UTS2B: variants seen among roughly 807,000 people sequenced by gnomAD.
UTS2B encodes urotensin 2B, also known as urotensin-2B.
A neutral mutation model predicts 19.2 loss-of-function variants in UTS2B; 21 were observed. The ratio of observed to expected loss-of-function variants is 1.09; its 90% CI spans 0.78 to 1.58. The LOEUF (loss-of-function observed/expected upper bound fraction) is 1.58. Among genes scored for constraint, UTS2B ranks in the 40% most tolerant of loss-of-function variants. The probability of loss-of-function intolerance (pLI) is 0.00; values close to 1 mark genes in which losing one functional copy is unlikely to be tolerated. For synonymous variants in UTS2B, 57 were observed against 50.2 expected (o/e 1.14, Z -0.58); for missense variants, 138 against 130.3 (o/e 1.06, Z -0.29).
intron 3 of UTS2B, among the ~76,000 whole-genome samples, 198 bp from the exon 4 acceptor site, chr3:191,304,746 T>A (rs1384421194): frequency 6.6e-6 from 1 of 152,212 alleles, no homozygotes; most frequent in African/African-American, 2.4e-5. Context: ...GTCATGGGGT[T>A]TGTTATACAC....
chr3:191,302,021 G>T (rs1576926612), intron 4 of UTS2B, among the ~76,000 whole-genome samples: 1 of 152,132 alleles, frequency 6.6e-6, no homozygotes. Flanking sequence ...ATCCCAGGGG[G>T]TTAGGCATTC....
chr3:191,322,529 T>G (rs1717637536), intron 2 of UTS2B, among the ~76,000 whole-genome samples: 1 of 152,082 alleles, frequency 6.6e-6, no homozygotes, highest in Admixed American at 6.5e-5. Context: ...TAGTATAGAT[T>G]CAAGAAAGAA....
At chr3:191,280,428 G>A (rs1716354857) in intron 5 of UTS2B, among the ~76,000 whole-genome samples, 1 of 152,094 alleles carries the variant, frequency 6.6e-6, no homozygotes, top group African/African-American at 2.4e-5. Context: ...GTCTGTGTCA[G>A]CAGATAAATG....
At chr3:191,336,704 A>T in the UTS2B span, among the ~76,000 whole-genome samples, 1 of 152,222 alleles carries the variant, frequency 6.6e-6, no homozygotes, top group Admixed American at 6.5e-5. Flanking sequence ...AGGAATCTGT[A>T]GTTTTTATAT....
the UTS2B span, among the ~76,000 whole-genome samples, chr3:191,338,999 T>C: frequency 6.6e-6 from 1 of 152,226 alleles, no homozygotes; most frequent in Non-Finnish European, 1.5e-5. Context: ...CTATTTTCTC[T>C]TTTAAATTTA....
intron 8 of UTS2B, 71 bp from the exon 9 acceptor site, chr3:191,268,512 T>C: frequency 9.0e-7 from 1 of 1,110,972 alleles, no homozygotes; most frequent in Non-Finnish European, 1.3e-6. Context: ...AATCAATAGC[T>C]TATGTGTGCC....
At chr3:191,320,677 G>A (rs1046952077) in intron 2 of UTS2B, among the ~76,000 whole-genome samples, 1 of 152,196 alleles carries the variant, frequency 6.6e-6, no homozygotes, top group Non-Finnish European at 1.5e-5. Flanking sequence ...TGGAATTTTT[G>A]TTGTATTTTA....
intron 4 of UTS2B, among the ~76,000 whole-genome samples, chr3:191,297,657 T>C (rs1468527453): frequency 1.3e-5 from 2 of 152,208 alleles, no homozygotes; most frequent in Non-Finnish European, 2.9e-5. Context: ...AGGATAGTAA[T>C]GCCTCATTTT....
At chr3:191,334,166 G>C (rs1013855048), upstream of UTS2B, among the ~76,000 whole-genome samples, 9 of 151,978 alleles carry the variant, frequency 5.9e-5, no homozygotes, top group Non-Finnish European at 1.2e-4. Flanking sequence ...TGTGTTGAGG[G>C]TATTTCCACA....
intron 8 of UTS2B, among the ~76,000 whole-genome samples, chr3:191,274,958 T>C (rs927298922): frequency 6.6e-6 from 1 of 152,254 alleles, no homozygotes; most frequent in Admixed American, 6.5e-5. Flanking sequence ...CTATTTGTGG[T>C]CTTTGCTGCT....
At chr3:191,280,393 A>G (rs1031706811) in intron 5 of UTS2B, among the ~76,000 whole-genome samples, 2 of 152,116 alleles carry the variant, frequency 1.3e-5, no homozygotes, top group Non-Finnish European at 2.9e-5. Context: ...ACACACAGAA[A>G]AAAGCTGATA....
intron 3 of UTS2B, among the ~76,000 whole-genome samples, chr3:191,307,016 C>T (rs574655794): frequency 2.2e-4 from 34 of 152,170 alleles, no homozygotes; most frequent in Non-Finnish European, 4.3e-4. Context: ...CCTCTGGCAG[C>T]GCATGAAAGG....
chr3:191,318,660 G>A (rs1356153685), intron 2 of UTS2B, among the ~76,000 whole-genome samples: 1 of 152,084 alleles, frequency 6.6e-6, no homozygotes, highest in African/African-American at 2.4e-5. Context: ...TGGTAGAGAT[G>A]GGGTTTCACA....
intron 8 of UTS2B, among the ~76,000 whole-genome samples, chr3:191,269,570 A>T (rs1202273509): frequency 6.7e-6 from 1 of 150,296 alleles, no homozygotes; most frequent in East Asian, 2.0e-4. Context: ...CACAGTGGCT[A>T]TTCACAGGCA....
At position 191,275,290 on chromosome 3, in the gene UTS2B, G is replaced by A. The variant is rs751375727; in HGVS notation, c.296C>T (p.Ala99Val). ...VEEKDSETSY[A>V]VDGLFSSHPS... Reference sequence around the variant, plus strand: ...ATGAGAAGAGAATAGACCATCTACAGCATAGGACGTCTCAGAATCCTTCTC... The same window carrying A: ...ATGAGAAGAGAATAGACCATCTACAACATAGGACGTCTCAGAATCCTTCTC... Residue 99 changes from alanine (A) to valine (V), a missense_variant, in exon 8 of 9, where the codon GCT becomes GTT. Physicochemically the swap from Ala to Val is moderately conservative, Grantham distance 64. Transcript: ENST00000340524. The A allele has an allele frequency of 6.2e-7, 1 of 1,613,838 alleles. No homozygotes were observed. The highest frequency in any genetic ancestry group is 2.2e-5 in the East Asian group (1 of 44,868).
chr3:191,329,754 C>T (rs1302761476), intron 1 of UTS2B: 1 of 1,599,660 alleles, frequency 6.3e-7, no homozygotes, highest in Non-Finnish European at 8.5e-7. Context: ...GCGCGCGGGA[C>T]CCTCCCCTCT....
chr3:191,309,100 C>T (rs185240075), intron 3 of UTS2B, among the ~76,000 whole-genome samples: 1 of 152,264 alleles, frequency 6.6e-6, no homozygotes, highest in East Asian at 1.9e-4. Flanking sequence ...TAATGAAAGT[C>T]AATTCTGAAT....
Position 191,282,305 on chromosome 3 carries a change from A to G in UTS2B, c.-116T>C. 1.5e-6 allele frequency: 1 copy of G among 667,018 alleles called. No individual in the cohort carries two copies. Among genetic ancestry groups the G allele is most frequent in the Non-Finnish European group, 2.6e-6 (1 of 385,744 alleles). The allele number at this position is 667,018 out of a possible 1,614,324, so 41.3% of individuals were successfully genotyped here. A position where few individuals can be genotyped will look rare whatever the true frequency, so the allele number is the denominator to read the frequency against. ...TGCAAAAGGCAAGTGTGCCTCAGTT[A>G]CGAATGATCTAGATGAAGGAAAAAG... On this transcript the variant is annotated 5_prime_UTR_variant, in exon 5 of 9. The change abolishes the stop of an existing upstream ORF in the 5' untranslated region. Coordinates refer to ENST00000340524, the MANE Select transcript of UTS2B (RefSeq NM_198152.5).
At chr3:191,339,521 A>G in the UTS2B span, among the ~76,000 whole-genome samples, 2 of 152,206 alleles carry the variant, frequency 1.3e-5, no homozygotes, top group African/African-American at 4.8e-5. Context: ...GTATTACATG[A>G]TAACCAAGCA....
Sources: allele counts gnomAD v4.1 joint callset (sites outside exome capture counted in the v4.1 genomes callset), GRCh38; gene constraint gnomAD v4.1.1; transcripts MANE v1.5; gene names NCBI Gene and HGNC (gene_info 2026-07-23, HGNC 2026-07-21).